The following C14orf93 variants were observed in gnomAD, a reference collection of about 807,000 sequenced individuals.
C14orf93 encodes uncharacterized protein C14orf93.
In C14orf93, 23 loss-of-function variants were observed where a neutral mutation model predicts 44.0. That is an observed-to-expected ratio of 0.52 (90% CI 0.38 to 0.74). The LOEUF is 0.74. C14orf93 is among the 30% of genes least tolerant of loss of function. The pLI, the probability that C14orf93 is intolerant of heterozygous loss-of-function variation, is 0.00. For synonymous variants in C14orf93, 253 were observed against 265.7 expected (o/e 0.95, Z 0.46); for missense variants, 579 against 678.9 (o/e 0.85, Z 1.64).
chr14:22,999,274 T>G lies in C14orf93; in HGVS notation c.-251A>C, dbSNP rs2046175396. 4.6e-6 allele frequency: 2 copies of G among 439,454 alleles called. No individual in the cohort carries two copies. The highest frequency in any genetic ancestry group is 8.0e-6 in the Non-Finnish European group (2 of 249,426). 27.2% of individuals were successfully genotyped at this position (439,454 alleles called of 1,614,324 possible). A position where few individuals can be genotyped will look rare whatever the true frequency, so the allele number is the denominator to read the frequency against. On this transcript the variant is annotated 5_prime_UTR_variant, in exon 2 of 7. An upstream start codon of the reference 5' UTR is lost. Transcript: ENST00000299088. Reference sequence around the variant, plus strand: ...GCAGATCCTGTGCTCTCCTAGCACATCACAAATCAAGGCCTTCCTGATGAA... The same window carrying G: ...GCAGATCCTGTGCTCTCCTAGCACAGCACAAATCAAGGCCTTCCTGATGAA...
intron 1 of C14orf93, chr14:23,001,127 T>C (rs2046270498): frequency 6.6e-6 from 1 of 152,242 alleles, no homozygotes; most frequent in African/African-American, 2.4e-5. Context: ...TATGTATTCT[T>C]TTCCTTCCTA....
chr14:22,987,894 GA>G lies in C14orf93; in HGVS notation c.1197+8del. 3.7e-6 allele frequency: 6 copies of G among 1,603,756 alleles called. No homozygotes were observed. Among genetic ancestry groups the G allele is most frequent in the Non-Finnish European group, 5.1e-6 (6 of 1,170,802 alleles). On this transcript the variant is annotated splice_region_variant and intron_variant, in intron 6 of 6. Coordinates refer to ENST00000299088, the MANE Select transcript of C14orf93 (RefSeq NM_021944.4). The surrounding 1 kb of genome is among the most constrained non-coding windows in gnomAD (Gnocchi z 5.6). ...TTTAGTATCTTGAAAGAAAGGCCTAGAAACCTACCCGATATCGGCGACTTCG... is the reference window on the plus strand; with the variant it reads ...TTTAGTATCTTGAAAGAAAGGCCTAGAACCTACCCGATATCGGCGACTTCG...
intron 4 of C14orf93, 71 bp downstream of exon 4, chr14:22,989,995 G>A: frequency 6.8e-7 from 1 of 1,473,476 alleles, no homozygotes; most frequent in Non-Finnish European, 9.5e-7. Context: ...TTGCTGTATT[G>A]GAGCATCCCC....
chr14:22,987,805 G>C lies in C14orf93; in HGVS notation c.1197+98C>G. 1.6e-6 allele frequency: 2 copies of C among 1,229,020 alleles called. No homozygotes were observed. The highest frequency in any genetic ancestry group is 3.0e-5 in the African/African-American group (2 of 66,208). 76.1% of individuals were successfully genotyped at this position (1,229,020 alleles called of 1,614,324 possible). On this transcript the variant is annotated intron_variant, in intron 6 of 6. Transcript: ENST00000299088. The surrounding 1 kb of genome is among the most constrained non-coding windows in gnomAD (Gnocchi z 5.6). The stretch of plus-strand genomic sequence containing the variant: ...TCTTCTCTATCTTCCTACATTCCTG[G>C]CTCTCAACCCTATTCTCATATGCCA...
chr14:22,997,430 G>A (rs1201047173), intron 2 of C14orf93, among the ~76,000 whole-genome samples: 2 of 152,152 alleles, frequency 1.3e-5, no homozygotes, highest in South Asian at 2.1e-4. Flanking sequence ...TGTGGGGGGA[G>A]GAGAAAAAGA....
intron 1 of C14orf93, among the ~76,000 whole-genome samples, chr14:23,003,794 C>A (rs2046428307): frequency 7.7e-6 from 1 of 130,442 alleles, no homozygotes; most frequent in African/African-American, 2.9e-5. Context: ...GGGCGAGACT[C>A]CGGCTCAGAA....
chr14:23,007,163 C>A lies in C14orf93; in HGVS notation c.-380+2938G>T, dbSNP rs886930927. 7 of 152,270 alleles carry A rather than the reference C, an allele frequency of 4.6e-5. No individual in the cohort carries two copies. In the South Asian group the frequency reaches 1.4e-3, roughly 31 times the overall value. 9.4% of individuals were successfully genotyped at this position (152,270 alleles called of 1,614,324 possible). ...CCCGTGTACCCGGCTACCGCGCGCACGCGGGGAGACACCGCCCCGTTTGCC... is the reference window on the plus strand; with the variant it reads ...CCCGTGTACCCGGCTACCGCGCGCAAGCGGGGAGACACCGCCCCGTTTGCC... On this transcript the variant is annotated intron_variant, in intron 1 of 6. Transcript: ENST00000299088.
In C14orf93 at chr14:22,985,912, G is replaced by C. The variant is rs2045212316; in HGVS notation, c.*1303C>G. ...ACCATCGTTGAGTTGGGGACTGCCT[G>C]TAGGCAAAACCTGTCGTTTTATTTC... On this transcript the variant is annotated 3_prime_UTR_variant, in exon 7 of 7. Coordinates refer to ENST00000299088, the MANE Select transcript of C14orf93 (RefSeq NM_021944.4). 6.6e-6 allele frequency: 1 copy of C among 152,234 alleles called. No individual in the cohort carries two copies. Among genetic ancestry groups the C allele is most frequent in the South Asian group, 2.1e-4 (1 of 4,830 alleles). The allele number at this position is 152,234 out of a possible 1,614,324, so 9.4% of individuals were successfully genotyped here. A position where few individuals can be genotyped will look rare whatever the true frequency, so the allele number is the denominator to read the frequency against.
chr14:22,988,134 CTTTTTTT>C, intron 5 of C14orf93, 119 bp from the exon 6 acceptor site: 1 of 462,912 alleles, frequency 2.2e-6, no homozygotes, highest in South Asian at 3.0e-5. Flanking sequence ...TAGATGAGGG[CTTTTTTT>C]TTTTTTTTTG....
At chr14:23,002,382 T>G in intron 1 of C14orf93, among the ~76,000 whole-genome samples, 1 of 138,168 alleles carries the variant, frequency 7.2e-6, no homozygotes, top group Non-Finnish European at 1.5e-5. Flanking sequence ...AACCCAGGAG[T>G]CAGAGGTTGC....
rs1377223233 is a variant in C14orf93, at chr14:22,998,691, A to G, written c.333T>C (p.Asp111=). ...GGGAACTATGTGCCCGGCTTTCCCC[A>G]TCTTCATCAGGGATGGACACTTTCC... ...RQGKVSIPDE[D]GESRAHSSPP... Residue 111 remains aspartate (D), a synonymous_variant, in exon 2 of 7, where the codon GAT becomes GAC. Transcript: ENST00000299088. 1 of 1,614,038 alleles carries G rather than the reference A, an allele frequency of 6.2e-7. No homozygotes were observed. Among genetic ancestry groups the G allele is most frequent in the Non-Finnish European group, 8.5e-7 (1 of 1,180,022 alleles).
Position 22,998,747 on chromosome 14 carries a change from G to T in C14orf93, c.277C>A (p.Leu93Ile). Residue 93 changes from leucine to isoleucine, a missense_variant, in exon 2 of 7, where the codon CTC becomes ATC. Transcript: ENST00000299088. ...CTCAGGTCACCCACTTCCTCCTGGA[G>T]ACGTTTTAACAACTCATTGTTGGCC... ...ARANNELLKR[L>I]QEEVGDLRQG... 1 of 1,614,030 alleles carries T rather than the reference G, an allele frequency of 6.2e-7. No individual in the cohort carries two copies. Among genetic ancestry groups the T allele is most frequent in the East Asian group, 2.2e-5 (1 of 44,888 alleles).
chr14:22,997,380 G>A (rs1346913104), intron 2 of C14orf93, among the ~76,000 whole-genome samples: 1 of 152,150 alleles, frequency 6.6e-6, no homozygotes, highest in East Asian at 1.9e-4. Context: ...TACTCCATGT[G>A]TTCTGCTCCT....
rs1222781043 is a variant in C14orf93 at position 22,995,930 on chromosome 14, G to A, written c.918+18C>T. 5.2e-6 allele frequency: 8 copies of A among 1,538,250 alleles called. No homozygotes were observed. In the Admixed American group the frequency reaches 1.7e-4, roughly 32 times the overall value. Reference sequence around the variant, plus strand: ...TCTCCAGACTGAAGAAAAATTTATAGAAACTGAGCTCACTCACAGAGAGTA... The same window carrying A: ...TCTCCAGACTGAAGAAAAATTTATAAAAACTGAGCTCACTCACAGAGAGTA... On this transcript the variant is annotated intron_variant, in intron 3 of 6. Transcript: ENST00000299088.
At chr14:22,998,154 T>A in intron 2 of C14orf93, 1 of 395,592 alleles carries the variant, frequency 2.5e-6, no homozygotes, top group Admixed American at 4.1e-5. Context: ...GAGACAGCTG[T>A]GGAAGAGAAG....
intron 5 of C14orf93, among the ~76,000 whole-genome samples, chr14:22,988,956 AC>A: frequency 6.6e-6 from 1 of 151,684 alleles, no homozygotes; most frequent in South Asian, 2.1e-4. Flanking sequence ...ACAACAATCT[AC>A]CCCTATTGCC....
intron 1 of C14orf93, chr14:23,000,051 C>G: frequency 6.6e-6 from 1 of 152,216 alleles, no homozygotes; most frequent in East Asian, 1.9e-4. Context: ...ATCTTCATTT[C>G]TCAAGCTCCT....
intron 1 of C14orf93, among the ~76,000 whole-genome samples, chr14:23,004,210 AATATAT>A (rs144325862): frequency 7.2e-6 from 1 of 139,054 alleles, no homozygotes; most frequent in Admixed American, 7.3e-5. Context: ...TCCCGGCCAA[AATATAT>A]ATATATATAT....
At position 22,986,052 on chromosome 14, in the gene C14orf93, A is replaced by G. The variant is rs145393323; in HGVS notation, c.*1163T>C. 4 of 152,300 alleles carry G rather than the reference A, an allele frequency of 2.6e-5. No individual in the cohort carries two copies. Among genetic ancestry groups the G allele is most frequent in the East Asian group, 3.9e-4 (2 of 5,180 alleles). 9.4% of individuals were successfully genotyped at this position (152,300 alleles called of 1,614,324 possible). A position where few individuals can be genotyped will look rare whatever the true frequency, so the allele number is the denominator to read the frequency against. ...CTCCTCTAGCATTATCCCTTCCCCA[A>G]AAGTCTGCAGTAGAACTGGACCTTG... is the stretch of plus-strand genomic sequence containing the variant. On this transcript the variant is annotated 3_prime_UTR_variant, in exon 7 of 7. Coordinates refer to ENST00000299088, the MANE Select transcript of C14orf93 (RefSeq NM_021944.4).
Sources: gnomAD v4.1 joint callset for allele counts (sites outside exome capture counted in the v4.1 genomes callset) on GRCh38, gnomAD v4.1.1 for gene constraint, Gnocchi (gnomAD v3.1) non-coding constraint, MANE v1.5 for transcripts, NCBI Gene and HGNC (gene_info 2026-07-23, HGNC 2026-07-21) for gene names.